Variants in KIRREL3 observed in about 807,000 individuals in gnomAD.
KIRREL3 encodes the protein kin of IRRE-like protein 3.
Under a neutral mutation model 89.7 loss-of-function variants are expected in KIRREL3, and 36 were observed. That is an observed-to-expected ratio of 0.40 (90% CI 0.31 to 0.53). The LOEUF is 0.53. KIRREL3 is among the 20% of genes least tolerant of loss of function. The probability of loss-of-function intolerance (pLI) is 0.49; values close to 1 mark genes in which losing one functional copy is unlikely to be tolerated. For synonymous variants in KIRREL3, 445 were observed against 441.4 expected (o/e 1.01, Z -0.10); for missense variants, 864 against 1,056.6 (o/e 0.82, Z 2.53).
Position 126,429,219 on chromosome 11 carries a change from C to G in KIRREL3, c.1766G>C (p.Gly589Ala), listed in dbSNP as rs752738293. The G allele has an allele frequency of 6.2e-7, 1 of 1,613,924 alleles. No homozygotes were observed. Among genetic ancestry groups the G allele is most frequent in the Admixed American group, 1.7e-5 (1 of 60,022 alleles). ...GGTGGAGTGCTCCTCACCCTCCCGA[C>G]CAGAGGCTGGTTCCTTGTGGACAAT... Reference protein sequence around the residue: ...VEIVHKEPASGREGEEHSTIK... With the variant: ...VEIVHKEPASAREGEEHSTIK... Residue 589 changes from glycine to alanine, a missense_variant, in exon 15 of 17, where the codon GGT (glycine) becomes GCT (alanine). Coordinates refer to ENST00000525144, the MANE Select transcript of KIRREL3 (RefSeq NM_032531.4). This position sits in a 1 kb window ranked among gnomAD's most constrained non-coding sequence, Gnocchi z 5.2.
At chr11:126,998,152 C>T in intron 1 of KIRREL3, among the ~76,000 whole-genome samples, 1 of 152,314 alleles carries the variant, frequency 6.6e-6, no homozygotes, top group Middle Eastern at 3.4e-3. Context: ...GGGCACAGTA[C>T]ATGAGCTAAG....
At chr11:126,662,505 G>A (rs952063281) in intron 1 of KIRREL3, among the ~76,000 whole-genome samples, 2 of 152,334 alleles carry the variant, frequency 1.3e-5, no homozygotes, top group African/African-American at 2.4e-5. Flanking sequence ...ATCTGGTCTG[G>A]TGAGGGCCTT....
intron 1 of KIRREL3, among the ~76,000 whole-genome samples, chr11:126,875,057 T>G (rs1319399440): frequency 6.6e-6 from 1 of 152,140 alleles, no homozygotes; most frequent in Non-Finnish European, 1.5e-5. Context: ...TCTCCATGTC[T>G]GGGCCCCAAT....
At chr11:126,822,892 C>A (rs766105290) in intron 1 of KIRREL3, among the ~76,000 whole-genome samples, 2 of 152,152 alleles carry the variant, frequency 1.3e-5, no homozygotes, top group Non-Finnish European at 2.9e-5. Context: ...AGGAAACTCA[C>A]ACAGTGTTAT....
rs1278398680 is a variant in KIRREL3, at chr11:126,985,552, G to A, written c.55+14903C>T. ...GAGGCAAAAGGAGCTGAGTCTTTAG[G>A]GTAGAAGTTATCTAGACTAACCTGG... On this transcript the variant is annotated intron_variant, in intron 1 of 16. Coordinates refer to ENST00000525144, the MANE Select transcript of KIRREL3 (RefSeq NM_032531.4). This position sits in a 1 kb window ranked among gnomAD's most constrained non-coding sequence, Gnocchi z 5.3. Among the ~76,000 whole-genome samples the A allele has an allele frequency of 6.6e-6, 1 of 152,112 alleles. No individual in the cohort carries two copies. The highest frequency in any genetic ancestry group is 1.5e-5 in the Non-Finnish European group (1 of 68,024).
At chr11:126,838,377 G>T (rs1175388154) in intron 1 of KIRREL3, among the ~76,000 whole-genome samples, 1 of 152,218 alleles carries the variant, frequency 6.6e-6, no homozygotes, top group Non-Finnish European at 1.5e-5. Flanking sequence ...GGGCCAGACT[G>T]CACCTTCTAT....
Position 126,607,805 on chromosome 11 carries a change from C to T in KIRREL3, c.56-44893G>A, listed in dbSNP as rs1396709490. Among the ~76,000 whole-genome samples the T allele has an allele frequency of 6.6e-6, 1 of 152,120 alleles. No homozygotes were observed. Among genetic ancestry groups the T allele is most frequent in the Non-Finnish European group, 1.5e-5 (1 of 68,038 alleles). On this transcript the variant is annotated intron_variant, in intron 1 of 16. Coordinates refer to ENST00000525144, the MANE Select transcript of KIRREL3 (RefSeq NM_032531.4). The surrounding 1 kb of genome is among the most constrained non-coding windows in gnomAD (Gnocchi z 6.6). ...CCGAGTTGCTTAGCCCTGCAGGGTACACAGATGAATAGGGAGCGTTGCTGA... is the reference window on the plus strand; with the variant it reads ...CCGAGTTGCTTAGCCCTGCAGGGTATACAGATGAATAGGGAGCGTTGCTGA...
rs938536869 is a variant in KIRREL3, at chr11:126,796,024, C to A, written c.55+204431G>T. 6.6e-6 allele frequency among the ~76,000 whole-genome samples: 1 copy of A among 152,186 alleles called. No individual in the cohort carries two copies. Among genetic ancestry groups the A allele is most frequent in the African/African-American group, 2.4e-5 (1 of 41,446 alleles). Reference sequence around the variant, plus strand: ...CATTCATACAGCCAGTAATAAGCCACTCCACTGTCATGTCTTCATTTAAAT... The same window carrying A: ...CATTCATACAGCCAGTAATAAGCCAATCCACTGTCATGTCTTCATTTAAAT... On this transcript the variant is annotated intron_variant, in intron 1 of 16. Transcript: ENST00000525144. The surrounding 1 kb of genome is among the most constrained non-coding windows in gnomAD (Gnocchi z 5.1).
chr11:126,962,293 G>C (rs1433456795), intron 1 of KIRREL3, among the ~76,000 whole-genome samples: 1 of 152,166 alleles, frequency 6.6e-6, no homozygotes, highest in Non-Finnish European at 1.5e-5. Flanking sequence ...TTAAGAACAT[G>C]CATGATTCAT....
At chr11:126,660,312 A>C (rs1295728266) in intron 1 of KIRREL3, among the ~76,000 whole-genome samples, 4 of 152,186 alleles carry the variant, frequency 2.6e-5, no homozygotes, top group Non-Finnish European at 5.9e-5. Flanking sequence ...CCAAATGATG[A>C]TACCTCAGAG....
rs1284583993 is a variant in KIRREL3, at chr11:126,424,887, T to C, written c.2030A>G (p.Asn677Ser). ...QRVPTGMSFT[N>S]IYSTLSGQGR... ...CTGGCCGCTCAGGGTGCTGTAGATG[T>C]TGGTGAAGGACATGCCTGTGGGCAC... The change falls in exon 17 of 17, where the codon AAC becomes AGC. Residue 677 changes from asparagine (N) to serine (S), a missense_variant. Asn to Ser is a conservative substitution (Grantham distance 46). Coordinates refer to ENST00000525144, the MANE Select transcript of KIRREL3 (RefSeq NM_032531.4). The C allele has an allele frequency of 1.2e-6, 2 of 1,612,412 alleles. No individual in the cohort carries two copies. The highest frequency in any genetic ancestry group is 1.7e-6 in the Non-Finnish European group (2 of 1,178,680).
intron 8 of KIRREL3, among the ~76,000 whole-genome samples, chr11:126,447,505 T>C (rs998997355): frequency 1.3e-5 from 2 of 152,164 alleles, no homozygotes; most frequent in African/African-American, 4.8e-5. Flanking sequence ...CAGGCCACCC[T>C]CCTATTACAG....
intron 1 of KIRREL3, among the ~76,000 whole-genome samples, chr11:126,790,892 C>T (rs564994178): frequency 1.2e-3 from 184 of 152,266 alleles, no homozygotes; most frequent in African/African-American, 3.6e-3. Flanking sequence ...GGGCAAATGA[C>T]GGATGGAACC....
At position 126,537,646 on chromosome 11, in the gene KIRREL3, G is replaced by A. The variant is rs1392915406; in HGVS notation, c.134-10959C>T. On this transcript the variant is annotated intron_variant, in intron 2 of 16. Coordinates refer to ENST00000525144, the MANE Select transcript of KIRREL3 (RefSeq NM_032531.4). The surrounding 1 kb of genome is among the most constrained non-coding windows in gnomAD (Gnocchi z 4.3). ...TCAGTCAGCCCTAGGAAGGAACTCT[G>A]GCCCTGTACCTAGCAGTGTGATCTG... 2.6e-5 allele frequency among the ~76,000 whole-genome samples: 4 copies of A among 152,208 alleles called. No homozygotes were observed. Among genetic ancestry groups the A allele is most frequent in the African/African-American group, 9.6e-5 (4 of 41,452 alleles).
rs1223263788 is a variant in KIRREL3 at position 127,000,656 on chromosome 11, G to A, written c.-147C>T. ...TCCGTGGGTCCCTCCGGGTGGCTTC[G>A]GTCTCTTTGTGCCTCTGGGTATCTG... On this transcript the variant is annotated 5_prime_UTR_variant, in exon 1 of 17. Transcript: ENST00000525144. The surrounding 1 kb of genome is among the most constrained non-coding windows in gnomAD (Gnocchi z 7.1). 4 of 715,446 alleles carry A rather than the reference G, an allele frequency of 5.6e-6. No homozygotes were observed. Among genetic ancestry groups the A allele is most frequent in the Admixed American group, 2.7e-5 (1 of 37,154 alleles). The allele number at this position is 715,446 out of a possible 1,614,324, so 44.3% of individuals were successfully genotyped here. A position where few individuals can be genotyped will look rare whatever the true frequency, so the allele number is the denominator to read the frequency against.
At chr11:126,915,844 A>G (rs1345095723) in intron 1 of KIRREL3, among the ~76,000 whole-genome samples, 1 of 152,202 alleles carries the variant, frequency 6.6e-6, no homozygotes, top group Non-Finnish European at 1.5e-5. Context: ...CTCTTAACAG[A>G]TCTGAACCTA....
rs1942852729 is a variant in KIRREL3, at chr11:126,605,551, T to C, written c.56-42639A>G. 6.6e-6 allele frequency among the ~76,000 whole-genome samples: 1 copy of C among 152,176 alleles called. No homozygotes were observed. Among genetic ancestry groups the C allele is most frequent in the Non-Finnish European group, 1.5e-5 (1 of 68,032 alleles). On this transcript the variant is annotated intron_variant, in intron 1 of 16. Coordinates refer to ENST00000525144, the MANE Select transcript of KIRREL3 (RefSeq NM_032531.4). The surrounding 1 kb of genome is among the most constrained non-coding windows in gnomAD (Gnocchi z 5.7). ...CACTTAGCAGCTTGGCGCACGCAAA[T>C]AGGAGCTCTGCTCACAGCCTGTGCT...
Position 126,645,432 on chromosome 11 carries a change from C to T in KIRREL3, c.56-82520G>A, listed in dbSNP as rs139872700. Among the ~76,000 whole-genome samples, 566 of 152,242 alleles carry T rather than the reference C, an allele frequency of 3.7e-3. 3 individuals carry two copies. Among genetic ancestry groups the T allele is most frequent in the African/African-American group, 0.013 (545 of 41,542 alleles). On this transcript the variant is annotated intron_variant, in intron 1 of 16. Transcript: ENST00000525144. The surrounding 1 kb of genome is among the most constrained non-coding windows in gnomAD (Gnocchi z 4.9). Reference sequence around the variant, plus strand: ...TTGAGGGCAGAGACCAGACCATCTCCGCAGCCTCTCAGGCTACAGGGTACC... The same window carrying T: ...TTGAGGGCAGAGACCAGACCATCTCTGCAGCCTCTCAGGCTACAGGGTACC...
At position 126,703,898 on chromosome 11, in the gene KIRREL3, C is replaced by G. The variant is rs1174278836; in HGVS notation, c.56-140986G>C. ...AGGGCCAGTGCTGGCAGCGGTTATG[C>G]TGGGGACATCTACATACCTTGCATT... is the stretch of plus-strand genomic sequence containing the variant. On this transcript the variant is annotated intron_variant, in intron 1 of 16. Coordinates refer to ENST00000525144, the MANE Select transcript of KIRREL3 (RefSeq NM_032531.4). This position sits in a 1 kb window ranked among gnomAD's most constrained non-coding sequence, Gnocchi z 4.6. Among the ~76,000 whole-genome samples, 1 of 152,084 alleles carries G rather than the reference C, an allele frequency of 6.6e-6. No individual in the cohort carries two copies. Among genetic ancestry groups the G allele is most frequent in the Non-Finnish European group, 1.5e-5 (1 of 68,028 alleles).
Sources: allele counts gnomAD v4.1 joint callset (sites outside exome capture counted in the v4.1 genomes callset), GRCh38; gene constraint gnomAD v4.1.1; non-coding constraint Gnocchi (gnomAD v3.1); transcripts MANE v1.5; gene names NCBI Gene and HGNC (gene_info 2026-07-23, HGNC 2026-07-21).